The following DENND4C variants were observed in gnomAD, a reference collection of about 807,000 sequenced individuals.
The protein encoded by DENND4C is DENN domain-containing protein 4C.
In DENND4C, 108 loss-of-function variants were observed where a neutral mutation model predicts 203.0. The ratio of observed to expected loss-of-function variants is 0.53; its 90% CI spans 0.46 to 0.62. The LOEUF is 0.62. Ranked by LOEUF, DENND4C falls within the 20% of genes least tolerant of loss-of-function variation. The pLI, the probability that DENND4C is intolerant of heterozygous loss-of-function variation, is 0.00. For synonymous variants in DENND4C, 871 were observed against 792.4 expected (o/e 1.10, Z -1.67); for missense variants, 2,481 against 2,301.2 (o/e 1.08, Z -1.60).
Position 19,347,105 on chromosome 9 carries a change from T to C in DENND4C, c.4317+19T>C. On this transcript the variant is annotated intron_variant, in intron 23 of 32. Coordinates refer to ENST00000434457, the MANE Select transcript of DENND4C (RefSeq NM_001330640.2). ...TGATGAGGTAAGAAAGCTTTATGTGTGTAGTCTGTCTGCTATTGGAGTGTT... is the reference window on the plus strand; with the variant it reads ...TGATGAGGTAAGAAAGCTTTATGTGCGTAGTCTGTCTGCTATTGGAGTGTT... The C allele has an allele frequency of 1.9e-6, 3 of 1,596,108 alleles. No homozygotes were observed.
At chr9:19,256,184 A>G (rs974156847) in intron 1 of DENND4C, among the ~76,000 whole-genome samples, 4 of 152,102 alleles carry the variant, frequency 2.6e-5, no homozygotes, top group African/African-American at 9.7e-5. Context: ...ACCATAAGGC[A>G]TTTAAGTTAG....
chr9:19,362,841 T>G (rs1412749406), intron 30 of DENND4C, among the ~76,000 whole-genome samples: 2 of 152,206 alleles, frequency 1.3e-5, no homozygotes, highest in African/African-American at 4.8e-5. Context: ...GAGTTATTAT[T>G]CATGTATTCA....
chr9:19,310,021 T>C lies in DENND4C; in HGVS notation c.1487+4494T>C, dbSNP rs116669914. On this transcript the variant is annotated intron_variant, in intron 10 of 32. Transcript: ENST00000434457. ...TAATTCACATCTTTTGTTAGACTTATTTATTCCTAAGTATCTTTCAGTTTT... is the reference window on the plus strand; with the variant it reads ...TAATTCACATCTTTTGTTAGACTTACTTATTCCTAAGTATCTTTCAGTTTT... 7.4e-3 allele frequency among the ~76,000 whole-genome samples: 1,121 copies of C among 152,316 alleles called. 17 individuals are homozygous for C. The highest frequency in any genetic ancestry group is 0.026 in the African/African-American group (1,084 of 41,566).
intron 18 of DENND4C, among the ~76,000 whole-genome samples, chr9:19,335,439 T>G (rs10964098): frequency 0.29 from 43,783 of 151,806 alleles, 6,611 homozygotes; most frequent in East Asian, 0.44. Context: ...TTCAATAGAT[T>G]TCTTGAATTT....
rs553003203 is a variant in DENND4C, at chr9:19,231,452, G to C, written c.-18+619G>C. Among the ~76,000 whole-genome samples the C allele has an allele frequency of 3.3e-5, 5 of 152,174 alleles. No individual in the cohort carries two copies. In the South Asian group the frequency reaches 6.2e-4, roughly 19 times the overall value. On this transcript the variant is annotated intron_variant, in intron 1 of 32. Coordinates refer to ENST00000434457, the MANE Select transcript of DENND4C (RefSeq NM_001330640.2). ...GGAGGGCAGTATCCTTTTAACTCTG[G>C]AGTGACTAAACACAAAACCAAGGAA...
intron 1 of DENND4C, among the ~76,000 whole-genome samples, chr9:19,241,306 A>G (rs558985711): frequency 5.0e-4 from 76 of 152,332 alleles, no homozygotes; most frequent in African/African-American, 1.8e-3. Context: ...ACACTTAAAT[A>G]CAAACGCATT....
At position 19,339,657 on chromosome 9, in the gene DENND4C, A is replaced by G. The variant is rs144208406; in HGVS notation, c.2882-1335A>G. ...TTTTTTTCCTCTCAGATGATAAGCTATTTTTGAAAGAACACTCTGAGACAA... is the reference window on the plus strand; with the variant it reads ...TTTTTTTCCTCTCAGATGATAAGCTGTTTTTGAAAGAACACTCTGAGACAA... On this transcript the variant is annotated intron_variant, in intron 20 of 32. Coordinates refer to ENST00000434457, the MANE Select transcript of DENND4C (RefSeq NM_001330640.2). Among the ~76,000 whole-genome samples, 21 of 152,238 alleles carry G rather than the reference A, an allele frequency of 1.4e-4. No homozygotes were observed. The East Asian group carries it at 2.1e-3, about 15-fold the overall frequency.
At chr9:19,287,942 G>A (rs1396029442) in intron 3 of DENND4C, among the ~76,000 whole-genome samples, 1 of 152,132 alleles carries the variant, frequency 6.6e-6, no homozygotes, top group Non-Finnish European at 1.5e-5. Context: ...ATGTTGGTTG[G>A]CCAGGATGGT....
intron 1 of DENND4C, among the ~76,000 whole-genome samples, chr9:19,268,763 C>G (rs910462595): frequency 2.0e-5 from 3 of 152,170 alleles, no homozygotes; most frequent in South Asian, 2.1e-4. Context: ...GTCATACACT[C>G]TCTCCTAGCC....
intron 10 of DENND4C, among the ~76,000 whole-genome samples, chr9:19,315,608 TACAC>T (rs539319961): frequency 2.8e-4 from 43 of 151,306 alleles, no homozygotes; most frequent in South Asian, 2.1e-3. Flanking sequence ...TGTATATATA[TACAC>T]ACACACATAT....
rs912186463 is a variant in DENND4C, at chr9:19,358,770, A to G, written c.5160+610A>G. 3.3e-5 allele frequency among the ~76,000 whole-genome samples: 5 copies of G among 151,868 alleles called. No individual in the cohort carries two copies. Among genetic ancestry groups the G allele is most frequent in the African/African-American group, 1.2e-4 (5 of 41,136 alleles). Reference sequence around the variant, plus strand: ...ATTTGTTGATAAAACTGGTTAGAGTACAGTTTTCCATAATCCAGATTTTGC... The same window carrying G: ...ATTTGTTGATAAAACTGGTTAGAGTGCAGTTTTCCATAATCCAGATTTTGC... On this transcript the variant is annotated intron_variant, in intron 28 of 32. Transcript: ENST00000434457. The surrounding 1 kb of genome is among the most constrained non-coding windows in gnomAD (Gnocchi z 4.8).
Position 19,325,934 on chromosome 9 carries a change from T to C in DENND4C, c.1954-5T>C. ...TCATTAAGAATCTGTTTTCTTTTTTTCTAGTTGTTTCCTGATAAAGGCACA... is the reference window on the plus strand; with the variant it reads ...TCATTAAGAATCTGTTTTCTTTTTTCCTAGTTGTTTCCTGATAAAGGCACA... On this transcript the variant is annotated splice_polypyrimidine_tract_variant and splice_region_variant and intron_variant, in intron 13 of 32. Transcript: ENST00000434457. 3 of 1,601,704 alleles carry C rather than the reference T, an allele frequency of 1.9e-6. No individual in the cohort carries two copies. Among genetic ancestry groups the C allele is most frequent in the Non-Finnish European group, 2.6e-6 (3 of 1,174,358 alleles).
chr9:19,358,075 G>A lies in DENND4C; in HGVS notation c.5075G>A (p.Gly1692Asp). 1.2e-6 allele frequency: 2 copies of A among 1,613,906 alleles called. No homozygotes were observed. Among genetic ancestry groups the A allele is most frequent in the Non-Finnish European group, 8.5e-7 (1 of 1,179,848 alleles). ...VSLTRSHSVG[G>D]PLQNIDFTQR... ...TTGACTCGAAGTCACAGTGTTGGAGGCCCATTGCAGAATATTGACTTTACC... is the reference window on the plus strand; with the variant it reads ...TTGACTCGAAGTCACAGTGTTGGAGACCCATTGCAGAATATTGACTTTACC... The change falls in exon 28 of 33, where the codon GGC becomes GAC. Residue 1692 changes from glycine to aspartate, a missense_variant. Physicochemically the swap from Gly to Asp is moderately conservative, Grantham distance 94. Transcript: ENST00000434457. This position sits in a 1 kb window ranked among gnomAD's most constrained non-coding sequence, Gnocchi z 4.8.
chr9:19,272,520 G>A (rs1204356026), intron 1 of DENND4C, among the ~76,000 whole-genome samples: 1 of 152,044 alleles, frequency 6.6e-6, no homozygotes, highest in Non-Finnish European at 1.5e-5. Context: ...GCCTCCCAAA[G>A]TGCTGGGATT....
At chr9:19,287,188 A>G (rs1835363624) in intron 3 of DENND4C, among the ~76,000 whole-genome samples, 167 bp downstream of exon 3, 1 of 152,144 alleles carries the variant, frequency 6.6e-6, no homozygotes, top group Non-Finnish European at 1.5e-5. Flanking sequence ...GTCCTATCCC[A>G]TGATTTATAA....
intron 1 of DENND4C, among the ~76,000 whole-genome samples, chr9:19,267,735 C>T (rs1257261283): frequency 2.0e-5 from 3 of 151,928 alleles, no homozygotes; most frequent in Non-Finnish European, 4.4e-5. Context: ...GACAGGGTCT[C>T]ACCATCTTGC....
At position 19,346,666 on chromosome 9, in the gene DENND4C, T is replaced by C; in HGVS notation, c.3897T>C (p.Ser1299=). The C allele has an allele frequency of 6.2e-7, 1 of 1,614,158 alleles. No homozygotes were observed. Among genetic ancestry groups the C allele is most frequent in the South Asian group, 1.1e-5 (1 of 91,088 alleles). Residue 1299 remains serine (S), a synonymous_variant, in exon 23 of 33, where the codon TCT becomes TCC. Transcript: ENST00000434457. ...TAAAAAGTCCCCTAGGTAGTAAATC[T>C]TCTAGTATGGAATTACACAGAGAGG... ...MNLKSPLGSK[S]SSMELHREEN... is the part of the protein sequence containing the mutation.
chr9:19,342,593 G>A, intron 21 of DENND4C, 40 bp from the exon 22 acceptor site: 1 of 1,546,662 alleles, frequency 6.5e-7, no homozygotes, highest in Non-Finnish European at 8.7e-7. Context: ...TTTAATATTG[G>A]CAAAAGTAGG....
chr9:19,290,997 T>C, intron 5 of DENND4C, 121 bp downstream of exon 5: 2 of 961,536 alleles, frequency 2.1e-6, no homozygotes, highest in South Asian at 3.6e-5. Flanking sequence ...GGTTTAAATT[T>C]ACACTGTCAT....
Sources: gnomAD v4.1 joint callset for allele counts (sites outside exome capture counted in the v4.1 genomes callset) on GRCh38, gnomAD v4.1.1 for gene constraint, Gnocchi (gnomAD v3.1) non-coding constraint, MANE v1.5 for transcripts, NCBI Gene and HGNC (gene_info 2026-07-23, HGNC 2026-07-21) for gene names.